KIF6: variants seen among roughly 807,000 people sequenced by gnomAD.
KIF6 encodes the protein kinesin-like protein KIF6.
Under a neutral mutation model 112.7 loss-of-function variants are expected in KIF6, and 106 were observed. That is an observed-to-expected ratio of 0.94 (90% CI 0.80 to 1.11). The LOEUF is 1.11. KIF6 is among the 50% of genes least tolerant of loss of function. The pLI, the probability that KIF6 is intolerant of heterozygous loss-of-function variation, is 0.00. For synonymous variants in KIF6, 339 were observed against 339.9 expected (o/e 1.00, Z 0.03); for missense variants, 929 against 964.0 (o/e 0.96, Z 0.48).
intron 17 of KIF6, among the ~76,000 whole-genome samples, chr6:39,361,411 T>G (rs1254312559): frequency 2.6e-5 from 4 of 151,678 alleles, no homozygotes; most frequent in Non-Finnish European, 5.9e-5. Context: ...AATACACAAT[T>G]AGCTGGGTGT....
At chr6:39,600,141 T>C (rs1305097041) in intron 6 of KIF6, among the ~76,000 whole-genome samples, 1 of 152,232 alleles carries the variant, frequency 6.6e-6, no homozygotes, top group Non-Finnish European at 1.5e-5. Context: ...GCCCTATGTT[T>C]GTCCTTTTAA....
chr6:39,498,913 G>A (rs1009195420), intron 13 of KIF6, among the ~76,000 whole-genome samples: 45 of 152,210 alleles, frequency 3.0e-4, no homozygotes, highest in African/African-American at 9.6e-4. Context: ...TTTCCTGTGG[G>A]CACACAGAAG....
intron 16 of KIF6, among the ~76,000 whole-genome samples, chr6:39,384,752 C>G (rs1767267849): frequency 6.6e-6 from 1 of 152,098 alleles, no homozygotes; most frequent in African/African-American, 2.4e-5. Context: ...TCAAGGGGAA[C>G]TTTTTTTGTC....
intron 13 of KIF6, among the ~76,000 whole-genome samples, chr6:39,486,178 A>G (rs113816229): frequency 0.011 from 1,686 of 152,260 alleles, 41 homozygotes; most frequent in African/African-American, 0.039. Context: ...GATATCACGG[A>G]AGTATCACTA....
At chr6:39,355,671 A>G (rs1764616039) in intron 19 of KIF6, among the ~76,000 whole-genome samples, 1 of 151,964 alleles carries the variant, frequency 6.6e-6, no homozygotes, top group Non-Finnish European at 1.5e-5. Context: ...CATGTTGGCC[A>G]GGCTGGTCTT....
intron 7 of KIF6, 69 bp downstream of exon 7, chr6:39,595,985 C>T: frequency 1.6e-6 from 2 of 1,229,582 alleles, no homozygotes; most frequent in Non-Finnish European, 2.3e-6. Flanking sequence ...AATAGAATGC[C>T]TGATACATAG....
At chr6:39,549,588 AT>A (rs1244500104) in intron 10 of KIF6, among the ~76,000 whole-genome samples, 3 of 152,218 alleles carry the variant, frequency 2.0e-5, no homozygotes, top group Non-Finnish European at 4.4e-5. Context: ...TGGGTGATGT[AT>A]TTCTAAAAGG....
At chr6:39,555,004 GGA>G (rs1779612344) in intron 10 of KIF6, 1 of 156,654 alleles carries the variant, frequency 6.4e-6, no homozygotes, top group African/African-American at 2.4e-5. Context: ...GGCTGCCTGG[GGA>G]CCAACCCCTA....
At chr6:39,704,231 T>C in intron 3 of KIF6, among the ~76,000 whole-genome samples, 1 of 152,210 alleles carries the variant, frequency 6.6e-6, no homozygotes, top group Non-Finnish European at 1.5e-5. Flanking sequence ...AGCAATCACA[T>C]ATACTGGGGC....
intron 12 of KIF6, 74 bp from the exon 13 acceptor site, chr6:39,540,295 T>C: frequency 1.1e-6 from 1 of 937,204 alleles, no homozygotes; most frequent in South Asian, 1.6e-5. Context: ...CTAAGTGTCA[T>C]TAATGTTCCT....
chr6:39,597,422 G>T (rs62403320), intron 6 of KIF6, among the ~76,000 whole-genome samples: 11,637 of 152,242 alleles, frequency 0.076, 510 homozygotes, highest in South Asian at 0.17. Flanking sequence ...TGTGGTGCTG[G>T]TGCTGGTGCA....
At chr6:39,673,428 T>C (rs1487922686) in intron 3 of KIF6, among the ~76,000 whole-genome samples, 2 of 152,218 alleles carry the variant, frequency 1.3e-5, no homozygotes. Context: ...ACACTTAGCA[T>C]ACATATGTAA....
chr6:39,531,925 C>A (rs1778088272), intron 13 of KIF6, among the ~76,000 whole-genome samples: 1 of 152,116 alleles, frequency 6.6e-6, no homozygotes, highest in Non-Finnish European at 1.5e-5. Flanking sequence ...GCCTTTCACT[C>A]CCCAGATCCT....
chr6:39,570,700 C>T (rs553949730), intron 10 of KIF6, among the ~76,000 whole-genome samples: 28 of 152,030 alleles, frequency 1.8e-4, no homozygotes, highest in Non-Finnish European at 2.9e-4. Context: ...TAAGTTCTCA[C>T]GAGATCTGAT....
chr6:39,511,455 A>T (rs1776773473), intron 13 of KIF6, among the ~76,000 whole-genome samples: 1 of 152,200 alleles, frequency 6.6e-6, no homozygotes, highest in Non-Finnish European at 1.5e-5. Context: ...GGTGCTGGAG[A>T]GGATGTGGAG....
chr6:39,621,617 A>G (rs1263438102), intron 5 of KIF6, among the ~76,000 whole-genome samples: 1 of 152,218 alleles, frequency 6.6e-6, no homozygotes, highest in Non-Finnish European at 1.5e-5. Flanking sequence ...TTTGATGCAC[A>G]ATAATACATT....
At chr6:39,613,014 T>G (rs1327493360) in intron 6 of KIF6, among the ~76,000 whole-genome samples, 175 bp downstream of exon 6, 1 of 152,148 alleles carries the variant, frequency 6.6e-6, no homozygotes, top group African/African-American at 2.4e-5. Context: ...CTTGGGAAAG[T>G]CTCCTCACTT....
intron 8 of KIF6, among the ~76,000 whole-genome samples, chr6:39,585,331 G>C (rs1055439535): frequency 2.0e-5 from 3 of 152,196 alleles, no homozygotes; most frequent in Middle Eastern, 3.4e-3. Context: ...TTCACAATTG[G>C]GTTCACGCTC....
intron 19 of KIF6, among the ~76,000 whole-genome samples, chr6:39,348,898 C>G (rs1026264373): frequency 6.6e-6 from 1 of 152,224 alleles, no homozygotes; most frequent in African/African-American, 2.4e-5. Context: ...CTCTCTCACC[C>G]TGGCGGCTCT....
Sources: allele counts gnomAD v4.1 joint callset (sites outside exome capture counted in the v4.1 genomes callset), GRCh38; gene constraint gnomAD v4.1.1; transcripts MANE v1.5; gene names NCBI Gene and HGNC (gene_info 2026-07-23, HGNC 2026-07-21).